The following SLC38A7 variants were observed in gnomAD, a reference collection of about 807,000 sequenced individuals.
SLC38A7 encodes sodium-coupled neutral amino acid transporter 7.
A neutral mutation model predicts 50.1 loss-of-function variants in SLC38A7; 29 were observed. The ratio of observed to expected loss-of-function variants is 0.58; its 90% CI spans 0.43 to 0.79. The LOEUF (loss-of-function observed/expected upper bound fraction) is 0.79. Among genes scored for constraint, SLC38A7 ranks in the 30% least tolerant of loss-of-function variants. The pLI is 0.00. For missense variants in SLC38A7, 483 were observed against 610.6 expected, an observed-to-expected ratio of 0.79 and a Z score of 2.20; for synonymous variants, 244 against 245.9, an observed-to-expected ratio of 0.99 and a Z score of 0.07.
At chr16:58,675,228 C>A in intron 8 of SLC38A7, 1 of 346,622 alleles carries the variant, frequency 2.9e-6, no homozygotes, top group Non-Finnish European at 5.5e-6. Context: ...CCATTTTAGG[C>A]TGGGTTGGTG....
chr16:58,681,027 T>G (rs898920018), intron 2 of SLC38A7, among the ~76,000 whole-genome samples: 3 of 152,192 alleles, frequency 2.0e-5, no homozygotes, highest in Admixed American at 1.3e-4. Flanking sequence ...CTCTCTCATG[T>G]GCTAGCATCT....
chr16:58,668,713 C>CAAAAAAAAAAAA (rs71155292), intron 11 of SLC38A7, among the ~76,000 whole-genome samples: 3 of 33,740 alleles, frequency 8.9e-5, no homozygotes, highest in African/African-American at 2.1e-4. Flanking sequence ...AACTCCATCT[C>CAAAAAAAAAAAA]AAAAAAAAAA....
rs761507107 is a variant in SLC38A7 at position 58,678,491 on chromosome 16, G to A, written c.470-17C>T. On this transcript the variant is annotated splice_polypyrimidine_tract_variant and intron_variant, in intron 4 of 11. Transcript: ENST00000219320. This position sits in a 1 kb window ranked among gnomAD's most constrained non-coding sequence, Gnocchi z 4.0. ...CAGCTATAACTGCACAGGGAGGAAG[G>A]AGGGAATGTCAAGCCAGGCCACCAT... 1 of 1,545,518 alleles carries A rather than the reference G, an allele frequency of 6.5e-7. No individual in the cohort carries two copies. Among genetic ancestry groups the A allele is most frequent in the East Asian group, 2.3e-5 (1 of 44,094 alleles).
chr16:58,675,041 A>G (rs2044236003), intron 8 of SLC38A7, among the ~76,000 whole-genome samples: 1 of 152,052 alleles, frequency 6.6e-6, no homozygotes, highest in Non-Finnish European at 1.5e-5. Context: ...CTCCAGCCAC[A>G]TAGACTTTCT....
At position 58,680,257 on chromosome 16, in the gene SLC38A7, G is replaced by A; in HGVS notation, c.-115-16C>T. 9.7e-7 allele frequency: 1 copy of A among 1,031,512 alleles called. No individual in the cohort carries two copies. The highest frequency in any genetic ancestry group is 1.3e-6 in the Non-Finnish European group (1 of 769,032). 63.9% of individuals were successfully genotyped at this position (1,031,512 alleles called of 1,614,324 possible). A position where few individuals can be genotyped will look rare whatever the true frequency, so the allele number is the denominator to read the frequency against. On this transcript the variant is annotated splice_polypyrimidine_tract_variant and intron_variant, in intron 2 of 11. Coordinates refer to ENST00000219320, the MANE Select transcript of SLC38A7 (RefSeq NM_018231.3). ...TCTTCTCAACCTAGATGGGACAAAG[G>A]CAGGCACTACTGTTATCCTAAGATG...
At chr16:58,668,713 C>CAAAAA (rs71155292) in intron 11 of SLC38A7, among the ~76,000 whole-genome samples, 1 of 33,794 alleles carries the variant, frequency 3.0e-5, no homozygotes, top group Non-Finnish European at 5.4e-5. Context: ...AACTCCATCT[C>CAAAAA]AAAAAAAAAA....
Position 58,677,376 on chromosome 16 carries a change from G to C in SLC38A7, c.660C>G (p.Ile220Met). ...GTWYVTAIVI[I>M]KYIWPDKEMT... ...TCTCTTTATCTGGCCAGATGTACTT[G>C]ATGATAACGATGGCTGTGACGTACC... is the stretch of plus-strand genomic sequence containing the variant. Residue 220 changes from isoleucine to methionine, a missense_variant, in exon 6 of 12, where the codon ATC (isoleucine) becomes ATG (methionine). Ile to Met is a conservative substitution (Grantham distance 10). Transcript: ENST00000219320. The C allele has an allele frequency of 6.2e-7, 1 of 1,614,072 alleles. No homozygotes were observed.
rs34081609 is a variant in SLC38A7 at position 58,673,083 on chromosome 16, ATTTTTTTTTTTTTT to A, written c.884-854_884-841del. Among the ~76,000 whole-genome samples the A allele has an allele frequency of 9.4e-3, 568 of 60,426 alleles. 2 individuals are homozygous for A. Among genetic ancestry groups the A allele is most frequent in the Middle Eastern group, 0.051 (4 of 78 alleles). The allele number at this position is 60,426 out of a possible 152,430, so 39.6% of individuals were successfully genotyped here. ...GCTGGGATTACACCATGCCCGGCTA[ATTTTTTTTTTTTTT>A]TTTTTTTTTTTTTTTGAGATGGAGT... is the stretch of plus-strand genomic sequence containing the variant. On this transcript the variant is annotated intron_variant, in intron 8 of 11. Transcript: ENST00000219320.
intron 2 of SLC38A7, chr16:58,681,402 T>G (rs1161650767): frequency 6.6e-6 from 1 of 151,856 alleles, no homozygotes; most frequent in Non-Finnish European, 1.5e-5. Context: ...CTGATTCTCT[T>G]TGCTCTCTGG....
Position 58,679,885 on chromosome 16 carries a change from C to T in SLC38A7, c.242G>A (p.Gly81Asp), listed in dbSNP as rs1426134100. 17 of 1,613,594 alleles carry T rather than the reference C, an allele frequency of 1.1e-5. No individual in the cohort carries two copies. The highest frequency in any genetic ancestry group is 1.4e-5 in the Non-Finnish European group (17 of 1,179,896). Residue 81 changes from glycine to aspartate, a missense_variant, in exon 3 of 12, where the codon GGC (glycine) becomes GAC (aspartate). Gly to Asp is a moderately conservative substitution (Grantham distance 94). Transcript: ENST00000219320. ...NFPAAFSTAGGVAAGIALQMG... is the reference protein window; with the variant it reads ...NFPAAFSTAGDVAAGIALQMG... ...CTGCAGTGCGATGCCTGCTGCCACGCCCCCCGCAGTGCTGAAGGCTGCTGG... is the reference window on the plus strand; with the variant it reads ...CTGCAGTGCGATGCCTGCTGCCACGTCCCCCGCAGTGCTGAAGGCTGCTGG...
intron 6 of SLC38A7, 89 bp downstream of exon 6, chr16:58,677,237 C>G (rs2044287060): frequency 4.6e-6 from 5 of 1,077,186 alleles, no homozygotes; most frequent in Non-Finnish European, 5.8e-6. Flanking sequence ...GAGAAGAGCA[C>G]CTGTGTGGCC....
intron 9 of SLC38A7, chr16:58,671,776 CCCAGG>C: frequency 4.4e-6 from 1 of 225,182 alleles, no homozygotes. Flanking sequence ...CACTAGGTTG[CCCAGG>C]TGGTCTTGAA....
At position 58,678,742 on chromosome 16, in the gene SLC38A7, G is replaced by A. The variant is rs1394624172; in HGVS notation, c.423C>T (p.Gly141=). ...TGATGATTAGGAAGGCAATGCAGGT[G>A]CCAAAGGTGTAGACAGCGATGGCCA... ...CEVAIAVYTF[G]TCIAFLIIIG... Residue 141 remains glycine, a synonymous_variant, in exon 4 of 12, where the codon GGC becomes GGT. Transcript: ENST00000219320. The surrounding 1 kb of genome is among the most constrained non-coding windows in gnomAD (Gnocchi z 4.0). 3.7e-6 allele frequency: 6 copies of A among 1,614,048 alleles called. No homozygotes were observed. In the African/African-American group the frequency reaches 8.0e-5, roughly 22 times the overall value.
At chr16:58,672,545 T>A (rs1372576849) in intron 8 of SLC38A7, among the ~76,000 whole-genome samples, 2 of 152,210 alleles carry the variant, frequency 1.3e-5, no homozygotes, top group African/African-American at 2.4e-5. Flanking sequence ...CATCTCCTTA[T>A]CATTTGGGTC....
chr16:58,679,932 C>G lies in SLC38A7; in HGVS notation c.195G>C (p.Leu65=). 1.2e-6 allele frequency: 2 copies of G among 1,612,388 alleles called. No individual in the cohort carries two copies. Among genetic ancestry groups the G allele is most frequent in the Non-Finnish European group, 1.7e-6 (2 of 1,178,872 alleles). The change falls in exon 3 of 12, where the codon CTG becomes CTC. Residue 65 remains leucine, a synonymous_variant. Transcript: ENST00000219320. ...GAIFIVVNAC[L]GAGLLNFPAA... ...CTGGGAAGTTGAGTAACCCTGCACC[C>G]AGGCACGCGTTGACGACGATGAAGA...
At chr16:58,673,932 T>G (rs1483524279) in intron 8 of SLC38A7, among the ~76,000 whole-genome samples, 6 of 151,744 alleles carry the variant, frequency 4.0e-5, no homozygotes, top group Non-Finnish European at 8.8e-5. Context: ...TTCAAGTGAT[T>G]CTCATGCCTT....
At chr16:58,676,409 G>A (rs969327371) in intron 6 of SLC38A7, 63 bp from the exon 7 acceptor site, 15 of 1,573,876 alleles carry the variant, frequency 9.5e-6, no homozygotes, top group East Asian at 9.0e-5. Context: ...CCCACCCCAC[G>A]CCCTCACTCT....
chr16:58,673,666 T>C (rs1002229999), intron 8 of SLC38A7, among the ~76,000 whole-genome samples: 6 of 134,004 alleles, frequency 4.5e-5, no homozygotes, highest in Non-Finnish European at 8.0e-5. Context: ...GCCTGGCCGT[T>C]TTTTTTTTTT....
intron 5 of SLC38A7, 74 bp from the exon 6 acceptor site, chr16:58,677,498 C>T: frequency 1.5e-6 from 2 of 1,324,992 alleles, no homozygotes; most frequent in Admixed American, 1.8e-5. Context: ...GGGACATCCA[C>T]CTTCAGCTCT....
Sources: gnomAD v4.1 joint callset for allele counts (sites outside exome capture counted in the v4.1 genomes callset) on GRCh38, gnomAD v4.1.1 for gene constraint, Gnocchi (gnomAD v3.1) non-coding constraint, MANE v1.5 for transcripts, NCBI Gene and HGNC (gene_info 2026-07-23, HGNC 2026-07-21) for gene names.